Variants in SORCS2 observed in about 807,000 individuals in gnomAD.
The protein encoded by SORCS2 is sortilin related VPS10 domain containing receptor 2.
Under a neutral mutation model 141.6 loss-of-function variants are expected in SORCS2, and 100 were observed. That is an observed-to-expected ratio of 0.71 (90% CI 0.60 to 0.83). SORCS2 has a LOEUF of 0.83. SORCS2 is among the 40% of genes least tolerant of loss of function. The pLI, the probability that SORCS2 is intolerant of heterozygous loss-of-function variation, is 0.00. For missense variants in SORCS2, 1,646 were observed against 1,560.2 expected, an observed-to-expected ratio of 1.05 and a Z score of -0.93; for synonymous variants, 789 against 676.9, an observed-to-expected ratio of 1.17 and a Z score of -2.57.
At chr4:7,567,055 C>T (rs1715069311) in intron 3 of SORCS2, among the ~76,000 whole-genome samples, 1 of 152,166 alleles carries the variant, frequency 6.6e-6, no homozygotes, top group Admixed American at 6.5e-5. Context: ...ACTCCAACAC[C>T]CCTATTTATT....
At chr4:7,576,000 G>A (rs1715725260) in intron 3 of SORCS2, among the ~76,000 whole-genome samples, 1 of 152,202 alleles carries the variant, frequency 6.6e-6, no homozygotes, top group African/African-American at 2.4e-5. Flanking sequence ...TGATGAAGTT[G>A]GGACTGTCAG....
In SORCS2 at chr4:7,638,394, G is replaced by A. The variant is rs750309668; in HGVS notation, c.715G>A (p.Ala239Thr). ...CCTATTCCTCAGCGCAGACGAAGGC[G>A]CCACCTTTCAGAAGCAGCCCATTCC... ...QSLFLSADEG[A>T]TFQKQPIPFF... The change falls in exon 4 of 27, where the codon GCC becomes ACC. Residue 239 changes from alanine to threonine, a missense_variant. By Grantham distance (58) the Ala-to-Thr change is moderately conservative. Transcript: ENST00000507866. 14 of 1,581,806 alleles carry A rather than the reference G, an allele frequency of 8.9e-6. No homozygotes were observed. The highest frequency in any genetic ancestry group is 5.9e-5 in the South Asian group (5 of 85,464).
At chr4:7,380,049 G>T (rs973538459) in intron 1 of SORCS2, among the ~76,000 whole-genome samples, 3 of 152,150 alleles carry the variant, frequency 2.0e-5, no homozygotes, top group Non-Finnish European at 4.4e-5. Context: ...GGTCACCAAA[G>T]GTTGCTCAAC....
chr4:7,413,571 G>A (rs1342446603), intron 2 of SORCS2, among the ~76,000 whole-genome samples: 1 of 151,834 alleles, frequency 6.6e-6, no homozygotes, highest in African/African-American at 2.4e-5. Flanking sequence ...TGTTTTTAGT[G>A]GAGATGGGGT....
At chr4:7,667,276 G>T (rs1172706203) in intron 8 of SORCS2, 63 bp downstream of exon 8, 3 of 1,474,920 alleles carry the variant, frequency 2.0e-6, no homozygotes, top group Non-Finnish European at 1.9e-6. Context: ...TGACTCATGG[G>T]GCAACAGGAC....
intron 2 of SORCS2, among the ~76,000 whole-genome samples, chr4:7,491,490 G>A (rs974262105): frequency 4.6e-5 from 7 of 152,184 alleles, no homozygotes; most frequent in African/African-American, 1.4e-4. Context: ...GCACCAGCAC[G>A]CGGCATGGCG....
At chr4:7,507,613 G>A (rs918261723) in intron 2 of SORCS2, among the ~76,000 whole-genome samples, 6 of 152,180 alleles carry the variant, frequency 3.9e-5, no homozygotes, top group Non-Finnish European at 7.3e-5. Context: ...GAAAGTAGAC[G>A]GTGAATCAGT....
rs397745880 is a variant in SORCS2 at position 7,381,082 on chromosome 4, C to CAA, written c.481-15191_481-15190dup. ...GGGTGATAGAGCAAGACTCTGTCTC[C>CAA]AAAAAAAAAAAAAAAAGGAGTGGGT... On this transcript the variant is annotated intron_variant, in intron 1 of 26. Coordinates refer to ENST00000507866, the MANE Select transcript of SORCS2 (RefSeq NM_020777.3). Among the ~76,000 whole-genome samples, 50 of 103,992 alleles carry CAA rather than the reference C, an allele frequency of 4.8e-4. 2 individuals carry two copies. Among genetic ancestry groups the CAA allele is most frequent in the Middle Eastern group, 5.7e-3 (1 of 176 alleles). 68.2% of individuals were successfully genotyped at this position (103,992 alleles called of 152,430 possible). A position where few individuals can be genotyped will look rare whatever the true frequency, so the allele number is the denominator to read the frequency against.
At chr4:7,370,360 C>G (rs781142600) in intron 1 of SORCS2, among the ~76,000 whole-genome samples, 2 of 152,178 alleles carry the variant, frequency 1.3e-5, no homozygotes, top group South Asian at 2.1e-4. Flanking sequence ...GCTACCTGCT[C>G]TGAGCGTGCG....
chr4:7,386,499 A>C (rs201146643), intron 1 of SORCS2, among the ~76,000 whole-genome samples: 1 of 83,966 alleles, frequency 1.2e-5, no homozygotes, highest in Admixed American at 1.1e-4. Context: ...ACACACGCAC[A>C]CACATGCCCA....
intron 1 of SORCS2, among the ~76,000 whole-genome samples, chr4:7,280,657 C>A (rs1211602001): frequency 6.6e-6 from 1 of 152,224 alleles, no homozygotes; most frequent in Non-Finnish European, 1.5e-5. Flanking sequence ...GTACTGATTT[C>A]AATTCCCACC....
chr4:7,623,799 C>T (rs545465690), intron 3 of SORCS2, among the ~76,000 whole-genome samples: 151 of 152,314 alleles, frequency 9.9e-4, no homozygotes, highest in African/African-American at 3.4e-3. Flanking sequence ...AGACTGTGTG[C>T]TCCATGGAGC....
chr4:7,556,069 T>G lies in SORCS2; in HGVS notation c.648+24440T>G, dbSNP rs572590927. On this transcript the variant is annotated intron_variant, in intron 3 of 26. Transcript: ENST00000507866. The stretch of plus-strand genomic sequence containing the variant: ...AGAAATGGGGAGCCAGTAAAGGATT[T>G]TAAACACAGGATGCCAACGTTAGGG... 2.1e-4 allele frequency among the ~76,000 whole-genome samples: 32 copies of G among 152,320 alleles called. No homozygotes were observed. In the South Asian group the frequency reaches 6.6e-3, roughly 32 times the overall value.
Position 7,434,673 on chromosome 4 carries a change from G to C in SORCS2, c.548+38318G>C, listed in dbSNP as rs759391749. Reference sequence around the variant, plus strand: ...GCCCATTGCCAGCGGCGGCTGCTATGTCCTGGCATACGTCGCAGGGCAGAG... The same window carrying C: ...GCCCATTGCCAGCGGCGGCTGCTATCTCCTGGCATACGTCGCAGGGCAGAG... On this transcript the variant is annotated intron_variant, in intron 2 of 26. Transcript: ENST00000507866. 6.8e-6 allele frequency: 11 copies of C among 1,612,862 alleles called. No individual in the cohort carries two copies. Among genetic ancestry groups the C allele is most frequent in the Non-Finnish European group, 8.5e-6 (10 of 1,179,560 alleles).
At chr4:7,469,595 C>T (rs1729847268) in intron 2 of SORCS2, among the ~76,000 whole-genome samples, 2 of 152,198 alleles carry the variant, frequency 1.3e-5, no homozygotes, top group African/African-American at 4.8e-5. Flanking sequence ...ACTGAGGCTT[C>T]CAAGTCTCTT....
At chr4:7,671,547 G>A (rs1296871235) in intron 8 of SORCS2, among the ~76,000 whole-genome samples, 1 of 152,210 alleles carries the variant, frequency 6.6e-6, no homozygotes, top group African/African-American at 2.4e-5. Flanking sequence ...AAATTCTGGA[G>A]CTAAAAAGAA....
rs745451911 is a variant in SORCS2, at chr4:7,434,703, C to T, written c.548+38348C>T. The T allele has an allele frequency of 1.7e-5, 28 of 1,612,756 alleles. No individual in the cohort carries two copies. In the East Asian group the frequency reaches 1.8e-4, roughly 10 times the overall value. On this transcript the variant is annotated intron_variant, in intron 2 of 26. Transcript: ENST00000507866. ...GGCATACGTCGCAGGGCAGAGACTT[C>T]GCGGTGGGTTTGTTCCATACGGCCC...
At chr4:7,655,129 T>C (rs79684989) in intron 5 of SORCS2, among the ~76,000 whole-genome samples, 4 of 152,138 alleles carry the variant, frequency 2.6e-5, no homozygotes, top group African/African-American at 9.7e-5. Flanking sequence ...CCCGTCCTTC[T>C]GGTCACACTG....
At chr4:7,397,654 T>C (rs1304846884) in intron 2 of SORCS2, among the ~76,000 whole-genome samples, 1 of 152,144 alleles carries the variant, frequency 6.6e-6, no homozygotes, top group African/African-American at 2.4e-5. Flanking sequence ...GGCTCAGCAG[T>C]GTTCACTACT....
Sources: allele counts gnomAD v4.1 joint callset (sites outside exome capture counted in the v4.1 genomes callset), GRCh38; gene constraint gnomAD v4.1.1; transcripts MANE v1.5; gene names NCBI Gene and HGNC (gene_info 2026-07-23, HGNC 2026-07-21).